CNOT6L: variants seen among roughly 807,000 people sequenced by gnomAD.
CNOT6L encodes CCR4-NOT transcription complex subunit 6-like.
A neutral mutation model predicts 64.0 loss-of-function variants in CNOT6L; 7 were observed. That is an observed-to-expected ratio of 0.11 (90% CI 0.06 to 0.21). The LOEUF (loss-of-function observed/expected upper bound fraction) is 0.21, where lower values mean the gene tolerates loss of function less well. Among genes scored for constraint, CNOT6L ranks in the 10% least tolerant of loss-of-function variants. The probability of loss-of-function intolerance (pLI) is 1.00; values close to 1 mark genes in which losing one functional copy is unlikely to be tolerated. For missense variants in CNOT6L, 245 were observed against 669.0 expected, an observed-to-expected ratio of 0.37 and a Z score of 6.99; for synonymous variants, 193 against 243.4, an observed-to-expected ratio of 0.79 and a Z score of 1.93.
At chr4:77,754,377 G>T (rs1725216588) in intron 5 of CNOT6L, among the ~76,000 whole-genome samples, 1 of 151,154 alleles carries the variant, frequency 6.6e-6, no homozygotes, top group Non-Finnish European at 1.5e-5. Flanking sequence ...AATACAATAT[G>T]GGCAAGCCCA....
At chr4:77,791,313 T>C (rs1730124810) in intron 1 of CNOT6L, among the ~76,000 whole-genome samples, 1 of 152,166 alleles carries the variant, frequency 6.6e-6, no homozygotes, top group African/African-American at 2.4e-5. Flanking sequence ...AGCATCATCT[T>C]TGTCATATTT....
chr4:77,810,534 G>GTA (rs201714674), intron 1 of CNOT6L, among the ~76,000 whole-genome samples: 35 of 151,844 alleles, frequency 2.3e-4, no homozygotes, highest in Admixed American at 1.9e-3. Flanking sequence ...GCACATAATT[G>GTA]TATATATATA....
chr4:77,737,802 T>G (rs1424919906), intron 8 of CNOT6L, among the ~76,000 whole-genome samples: 3 of 152,130 alleles, frequency 2.0e-5, no homozygotes, highest in Non-Finnish European at 4.4e-5. Context: ...ACAGTTATTA[T>G]CTATATTCGA....
chr4:77,742,582 T>C (rs1723713328), intron 7 of CNOT6L: 2 of 374,518 alleles, frequency 5.3e-6, no homozygotes, highest in Non-Finnish European at 1.0e-5. Context: ...GTTCACTCCA[T>C]TATACTTTAC....
intron 1 of CNOT6L, among the ~76,000 whole-genome samples, chr4:77,816,325 C>T (rs1260612523): frequency 6.6e-6 from 1 of 152,012 alleles, no homozygotes; most frequent in Non-Finnish European, 1.5e-5. Flanking sequence ...AATTACTTTA[C>T]CAAATACTAA....
At chr4:77,767,086 A>AG (rs1726928274) in intron 4 of CNOT6L, among the ~76,000 whole-genome samples, 5 of 140,364 alleles carry the variant, frequency 3.6e-5, no homozygotes, top group Non-Finnish European at 6.1e-5. Flanking sequence ...AAAAAAAAAA[A>AG]GGGAAAAAAG....
At chr4:77,815,934 C>T (rs1237137148) in intron 1 of CNOT6L, among the ~76,000 whole-genome samples, 2 of 152,162 alleles carry the variant, frequency 1.3e-5, no homozygotes, top group Non-Finnish European at 2.9e-5. Flanking sequence ...GTCATGAAAG[C>T]AAGTAAACTT....
intron 1 of CNOT6L, among the ~76,000 whole-genome samples, chr4:77,812,535 T>C (rs1024480971): frequency 6.6e-6 from 1 of 151,476 alleles, no homozygotes; most frequent in Non-Finnish European, 1.5e-5. Context: ...TTTTATGCAC[T>C]TGTCATGCAA....
At position 77,774,845 on chromosome 4, in the gene CNOT6L, T is replaced by C. The variant is rs544719847; in HGVS notation, c.128-129A>G. On this transcript the variant is annotated intron_variant, in intron 2 of 11. Transcript: ENST00000504123. ...ATATTGTATCTCTGACATTTTAATT[T>C]TTTATTTAATGCCATTTGATTGCTT... 3.0e-5 allele frequency: 17 copies of C among 560,838 alleles called. No homozygotes were observed. The South Asian group carries it at 5.6e-4, about 19-fold the overall frequency. 34.7% of individuals were successfully genotyped at this position (560,838 alleles called of 1,614,324 possible).
upstream of CNOT6L, chr4:77,819,395 G>C (rs1734042500): frequency 6.2e-7 from 1 of 1,605,376 alleles, no homozygotes; most frequent in Non-Finnish European, 8.5e-7. Flanking sequence ...GCGCGCACCA[G>C]GCCCCCACAG....
intron 1 of CNOT6L, among the ~76,000 whole-genome samples, chr4:77,807,715 C>T (rs148333918): frequency 1.3e-3 from 194 of 152,254 alleles, no homozygotes; most frequent in African/African-American, 3.8e-3. Context: ...TAAGCAAAGA[C>T]AAGATCATCA....
chr4:77,764,336 T>C (rs902088720), intron 4 of CNOT6L, among the ~76,000 whole-genome samples: 1 of 152,142 alleles, frequency 6.6e-6, no homozygotes, highest in African/African-American at 2.4e-5. Context: ...CAGAAAAAGA[T>C]AATAAAATTA....
At chr4:77,814,320 T>C (rs910875471) in intron 1 of CNOT6L, among the ~76,000 whole-genome samples, 12 of 152,298 alleles carry the variant, frequency 7.9e-5, no homozygotes, top group Middle Eastern at 3.4e-3. Context: ...ATTGTTAATA[T>C]ACTAAAAACT....
upstream of CNOT6L, among the ~76,000 whole-genome samples, chr4:77,820,265 G>A (rs923478850): frequency 1.3e-5 from 2 of 152,160 alleles, no homozygotes; most frequent in Non-Finnish European, 2.9e-5. Context: ...GGGCTGGCGG[G>A]AGTCAGTCAC....
intron 10 of CNOT6L, among the ~76,000 whole-genome samples, chr4:77,727,336 G>A (rs1422154974): frequency 1.3e-5 from 2 of 152,004 alleles, no homozygotes; most frequent in African/African-American, 4.8e-5. Context: ...GCCGAGGTGG[G>A]CGGATCCAGC....
At chr4:77,734,909 T>A (rs916832367) in intron 8 of CNOT6L, among the ~76,000 whole-genome samples, 15 of 149,070 alleles carry the variant, frequency 1.0e-4, no homozygotes, top group Admixed American at 2.0e-4. Flanking sequence ...GACAGAATAA[T>A]AAAAAAAAAA....
rs557694248 is a variant in CNOT6L at position 77,796,621 on chromosome 4, G to C, written c.6-20229C>G. Among the ~76,000 whole-genome samples, 17 of 152,202 alleles carry C rather than the reference G, an allele frequency of 1.1e-4. No homozygotes were observed. The South Asian group carries it at 3.5e-3, about 32-fold the overall frequency. On this transcript the variant is annotated intron_variant, in intron 1 of 11. Transcript: ENST00000504123. ...TTTCTTCATAAATTACCCAGTCTCA[G>C]GTATTTTTTACAGCAGTGTGAGAAC...
chr4:77,721,794 G>A (rs1193819492), intron 11 of CNOT6L, among the ~76,000 whole-genome samples: 2 of 151,872 alleles, frequency 1.3e-5, no homozygotes, highest in Non-Finnish European at 2.9e-5. Context: ...AACATAATGA[G>A]ACCCAGGATT....
intron 8 of CNOT6L, among the ~76,000 whole-genome samples, chr4:77,738,369 T>C (rs1723201637): frequency 6.6e-6 from 1 of 152,198 alleles, no homozygotes; most frequent in Non-Finnish European, 1.5e-5. Flanking sequence ...CACTATTAAG[T>C]TGTGTATCTG....
Sources: gnomAD v4.1 joint callset for allele counts (sites outside exome capture counted in the v4.1 genomes callset) on GRCh38, gnomAD v4.1.1 for gene constraint, MANE v1.5 for transcripts, NCBI Gene and HGNC (gene_info 2026-07-23, HGNC 2026-07-21) for gene names.